SYNDIG1: variants seen among roughly 807,000 people sequenced by gnomAD.
The protein encoded by SYNDIG1 is synapse differentiation-inducing gene protein 1.
SYNDIG1 carries 9 observed loss-of-function variants against 19.4 expected under a neutral mutation model. The ratio of observed to expected loss-of-function variants is 0.46; its 90% confidence interval spans 0.28 to 0.81. The LOEUF (loss-of-function observed/expected upper bound fraction) is 0.81, where lower values mean the gene tolerates loss of function less well. SYNDIG1 is among the 30% of genes least tolerant of loss of function. The pLI is 0.12. For missense variants in SYNDIG1, 311 were observed against 343.3 expected (o/e 0.91, Z 0.74); for synonymous variants, 141 against 145.9 (o/e 0.97, Z 0.24).
chr20:24,473,637 G>A lies in SYNDIG1; in HGVS notation c.-79+3884G>A, dbSNP rs193131434. ...GGAGGGACGCACTGGGGAGACAGGC[G>A]TGCAGAGTGTCTCCTGTCTCCAGGC... On this transcript the variant is annotated intron_variant, in intron 1 of 3. Transcript: ENST00000376862. Among the ~76,000 whole-genome samples the A allele has an allele frequency of 1.7e-3, 255 of 152,264 alleles. 1 individual carries two copies. The highest frequency in any genetic ancestry group is 5.9e-3 in the African/African-American group (247 of 41,534).
At chr20:24,592,973 T>C (rs2058537161) in intron 3 of SYNDIG1, among the ~76,000 whole-genome samples, 2 of 152,128 alleles carry the variant, frequency 1.3e-5, no homozygotes, top group African/African-American at 2.4e-5. Flanking sequence ...TTGAGGTCAG[T>C]AAATCATCTG....
At chr20:24,640,508 AG>A (rs1207272338) in intron 3 of SYNDIG1, among the ~76,000 whole-genome samples, 49 of 145,766 alleles carry the variant, frequency 3.4e-4, no homozygotes, top group African/African-American at 1.1e-3. Context: ...GAAGGAAGGA[AG>A]GAAGGAAGGA....
intron 3 of SYNDIG1, among the ~76,000 whole-genome samples, chr20:24,630,160 C>T (rs978281801): frequency 6.6e-6 from 1 of 152,168 alleles, no homozygotes; most frequent in Non-Finnish European, 1.5e-5. Context: ...ATGCAAAAAT[C>T]AAGAAGCACA....
chr20:24,557,801 C>A (rs2057855011), intron 2 of SYNDIG1, among the ~76,000 whole-genome samples: 4 of 152,212 alleles, frequency 2.6e-5, no homozygotes, highest in Admixed American at 2.6e-4. Context: ...CTCAGATCTC[C>A]AGCCGCATGC....
chr20:24,597,119 T>A (rs2058607796), intron 3 of SYNDIG1: 1 of 152,570 alleles, frequency 6.6e-6, no homozygotes, highest in Admixed American at 6.5e-5. Context: ...CCTCCTTCCT[T>A]CCCCTCGTGT....
At chr20:24,522,810 C>T (rs538079408) in intron 1 of SYNDIG1, among the ~76,000 whole-genome samples, 5 of 152,248 alleles carry the variant, frequency 3.3e-5, no homozygotes, top group Admixed American at 2.0e-4. Context: ...TTAATCATGG[C>T]AGAAGGGGAA....
intron 3 of SYNDIG1, among the ~76,000 whole-genome samples, chr20:24,600,809 T>A (rs2058668920): frequency 6.6e-6 from 1 of 152,060 alleles, no homozygotes; most frequent in Non-Finnish European, 1.5e-5. Flanking sequence ...AAGACGGAGT[T>A]TCACCATGTT....
intron 3 of SYNDIG1, among the ~76,000 whole-genome samples, chr20:24,626,118 G>A (rs575229535): frequency 2.2e-4 from 34 of 151,690 alleles, no homozygotes; most frequent in South Asian, 1.5e-3. Context: ...AGGGGCAGCC[G>A]GGCAGAGGTG....
chr20:24,637,792 G>C (rs2059330366), intron 3 of SYNDIG1, among the ~76,000 whole-genome samples: 1 of 152,210 alleles, frequency 6.6e-6, no homozygotes, highest in African/African-American at 2.4e-5. Context: ...GCAGTGGGCT[G>C]CACCCACCTA....
At chr20:24,646,958 G>A (rs2059428255) in intron 3 of SYNDIG1, among the ~76,000 whole-genome samples, 1 of 152,126 alleles carries the variant, frequency 6.6e-6, no homozygotes, top group Non-Finnish European at 1.5e-5. Flanking sequence ...ACATAGTTAT[G>A]AGCCAAATAA....
intron 2 of SYNDIG1, among the ~76,000 whole-genome samples, chr20:24,570,294 G>A (rs964238583): frequency 4.6e-5 from 7 of 152,072 alleles, no homozygotes; most frequent in African/African-American, 1.7e-4. Context: ...AGAAAGAATA[G>A]ACAAATTTTA....
chr20:24,542,927 T>C, intron 1 of SYNDIG1, 93 bp from the exon 2 acceptor site: 1 of 933,648 alleles, frequency 1.1e-6, no homozygotes, highest in Non-Finnish European at 1.6e-6. Flanking sequence ...GTTTATCAGC[T>C]GGCTGGTACA....
chr20:24,571,488 C>T (rs1007774574), intron 2 of SYNDIG1, among the ~76,000 whole-genome samples: 34 of 151,746 alleles, frequency 2.2e-4, no homozygotes, highest in Middle Eastern at 3.4e-3. Context: ...TATATATATA[C>T]ACACACACAA....
At chr20:24,575,232 G>A (rs1413750362) in intron 2 of SYNDIG1, among the ~76,000 whole-genome samples, 1 of 152,242 alleles carries the variant, frequency 6.6e-6, no homozygotes, top group African/African-American at 2.4e-5. Flanking sequence ...GATGGGAATT[G>A]AGTCTTCATG....
At chr20:24,579,390 G>A (rs1403022368) in intron 2 of SYNDIG1, among the ~76,000 whole-genome samples, 2 of 152,198 alleles carry the variant, frequency 1.3e-5, no homozygotes, top group Admixed American at 6.5e-5. Flanking sequence ...TTAAATCCTT[G>A]TCTGGTTGGA....
At chr20:24,551,516 C>A (rs961929675) in intron 2 of SYNDIG1, among the ~76,000 whole-genome samples, 2 of 151,404 alleles carry the variant, frequency 1.3e-5, no homozygotes, top group African/African-American at 4.8e-5. Context: ...GACATCCTGC[C>A]CTCTGTTTCC....
At chr20:24,660,115 G>A (rs1466567142) in intron 3 of SYNDIG1, among the ~76,000 whole-genome samples, 5 of 152,130 alleles carry the variant, frequency 3.3e-5, no homozygotes, top group Admixed American at 6.5e-5. Flanking sequence ...GTGTCATGAC[G>A]GCTTGCCCTT....
chr20:24,535,977 A>G (rs1225332018), intron 1 of SYNDIG1, among the ~76,000 whole-genome samples: 2 of 152,194 alleles, frequency 1.3e-5, no homozygotes, highest in African/African-American at 4.8e-5. Context: ...CTTGACACAC[A>G]TGTTTGAGGA....
chr20:24,565,053 C>T (rs1457991256), intron 2 of SYNDIG1, among the ~76,000 whole-genome samples: 1 of 152,190 alleles, frequency 6.6e-6, no homozygotes, highest in Non-Finnish European at 1.5e-5. Flanking sequence ...CATTAAAAAA[C>T]ACCCCCTTGA....
Sources: gnomAD v4.1 joint callset for allele counts (sites outside exome capture counted in the v4.1 genomes callset) on GRCh38, gnomAD v4.1.1 for gene constraint, MANE v1.5 for transcripts, NCBI Gene and HGNC (gene_info 2026-07-23, HGNC 2026-07-21) for gene names.